The following CD226 variants were observed in gnomAD, a reference collection of about 807,000 sequenced individuals.
The protein encoded by CD226 is CD226 antigen.
In CD226, 24 loss-of-function variants were observed where a neutral mutation model predicts 34.9. That is an observed-to-expected ratio of 0.69 (90% CI 0.50 to 0.97). The LOEUF (loss-of-function observed/expected upper bound fraction) is 0.97. Among genes scored for constraint, CD226 ranks in the 50% least tolerant of loss-of-function variants. CD226 has a pLI of 0.00. For synonymous variants in CD226, 148 were observed against 147.4 expected (o/e 1.00, Z -0.03); for missense variants, 397 against 412.7 (o/e 0.96, Z 0.33).
intron 2 of CD226, among the ~76,000 whole-genome samples, chr18:69,910,458 G>A (rs140282664): frequency 6.6e-6 from 1 of 152,302 alleles, no homozygotes; most frequent in African/African-American, 2.4e-5. Flanking sequence ...CCCTAATTGG[G>A]AGATGCTCTG....
At chr18:69,923,735 C>G (rs549697408) in intron 2 of CD226, among the ~76,000 whole-genome samples, 18 of 152,184 alleles carry the variant, frequency 1.2e-4, no homozygotes, top group African/African-American at 4.3e-4. Context: ...GGGCGGATCA[C>G]GAGGTCAGGA....
chr18:69,889,561 T>C (rs938816505), intron 3 of CD226, among the ~76,000 whole-genome samples: 2 of 152,046 alleles, frequency 1.3e-5, no homozygotes, highest in Non-Finnish European at 2.9e-5. Context: ...AGCAAACTGG[T>C]TGGTTTTTGA....
intron 3 of CD226, among the ~76,000 whole-genome samples, chr18:69,880,588 A>T (rs968409813): frequency 6.6e-6 from 1 of 152,018 alleles, no homozygotes; most frequent in African/African-American, 2.4e-5. Context: ...GGAGGGAGAT[A>T]ATGGGAGTTG....
At chr18:69,926,889 C>T (rs1205317514) in intron 2 of CD226, among the ~76,000 whole-genome samples, 1 of 152,108 alleles carries the variant, frequency 6.6e-6, no homozygotes, top group Non-Finnish European at 1.5e-5. Flanking sequence ...TCAACAAATC[C>T]TTTTTTGTTT....
At chr18:69,923,396 C>T (rs573608821) in intron 2 of CD226, among the ~76,000 whole-genome samples, 1 of 152,160 alleles carries the variant, frequency 6.6e-6, no homozygotes, top group African/African-American at 2.4e-5. Flanking sequence ...AGAATCCTGC[C>T]CCCTCCTCAA....
At chr18:69,943,620 C>T (rs1334480684) in intron 2 of CD226, among the ~76,000 whole-genome samples, 3 of 152,314 alleles carry the variant, frequency 2.0e-5, no homozygotes, top group African/African-American at 2.4e-5. Flanking sequence ...AGGCCAAGGT[C>T]TCCTTCTTCA....
chr18:69,957,109 T>G (rs757347658), upstream of CD226: 1 of 152,220 alleles, frequency 6.6e-6, no homozygotes, highest in Non-Finnish European at 1.5e-5. Context: ...CAAACTCAGA[T>G]AAAGTTCTGT....
At chr18:69,877,069 A>C (rs980306456) in intron 3 of CD226, among the ~76,000 whole-genome samples, 1 of 151,844 alleles carries the variant, frequency 6.6e-6, no homozygotes, top group African/African-American at 2.4e-5. Context: ...TCACCATGTT[A>C]GTCAGGCTGG....
intron 3 of CD226, among the ~76,000 whole-genome samples, chr18:69,886,511 G>C (rs1413573244): frequency 6.6e-6 from 1 of 152,130 alleles, no homozygotes; most frequent in African/African-American, 2.4e-5. Context: ...TTCGAGACCA[G>C]CTTGACCAAT....
chr18:69,913,683 G>C (rs549607990), intron 2 of CD226, among the ~76,000 whole-genome samples: 2 of 152,196 alleles, frequency 1.3e-5, no homozygotes, highest in East Asian at 1.9e-4. Context: ...AGTTGGGAAG[G>C]AGGCAGGAGA....
In CD226 at chr18:69,853,916, T is replaced by C. The variant is rs1157788089; in HGVS notation, c.*10398A>G. On this transcript the variant is annotated 3_prime_UTR_variant, in exon 6 of 6. Transcript: ENST00000582621. Reference sequence around the variant, plus strand: ...TAAATATGTGCTTCATTTTGGATCATGATTTATAAAGATGAGCCAAAGAGC... The same window carrying C: ...TAAATATGTGCTTCATTTTGGATCACGATTTATAAAGATGAGCCAAAGAGC... The C allele has an allele frequency of 6.6e-6, 1 of 152,150 alleles. No homozygotes were observed. Among genetic ancestry groups the C allele is most frequent in the Non-Finnish European group, 1.5e-5 (1 of 68,030 alleles). The allele number at this position is 152,150 out of a possible 1,614,324, so 9.4% of individuals were successfully genotyped here. A position where few individuals can be genotyped will look rare whatever the true frequency, so the allele number is the denominator to read the frequency against.
chr18:69,868,954 G>A (rs1035696751), intron 4 of CD226, among the ~76,000 whole-genome samples: 2 of 152,176 alleles, frequency 1.3e-5, no homozygotes, highest in Non-Finnish European at 2.9e-5. Flanking sequence ...AGTTATTTAT[G>A]TCTTTAAAGT....
chr18:69,884,687 A>C (rs917963715), intron 3 of CD226, among the ~76,000 whole-genome samples: 3 of 152,198 alleles, frequency 2.0e-5, no homozygotes, highest in Non-Finnish European at 4.4e-5. Flanking sequence ...CCTGTCATAA[A>C]GATGTGAGAA....
At chr18:69,959,201 C>T (rs2055918274), upstream of CD226, among the ~76,000 whole-genome samples, 1 of 152,082 alleles carries the variant, frequency 6.6e-6, no homozygotes, top group Non-Finnish European at 1.5e-5. Flanking sequence ...TAACCTGAGA[C>T]AAATTAAATT....
At chr18:69,900,756 A>T (rs111346082) in intron 2 of CD226, among the ~76,000 whole-genome samples, 9,592 of 150,742 alleles carry the variant, frequency 0.064, 1,035 homozygotes, top group African/African-American at 0.22. Context: ...AAAAAAAAAA[A>T]TTTCTAATAA....
At chr18:69,887,906 C>T (rs1984655291) in intron 3 of CD226, among the ~76,000 whole-genome samples, 1 of 152,196 alleles carries the variant, frequency 6.6e-6, no homozygotes, top group Non-Finnish European at 1.5e-5. Context: ...ATCCCTGAAT[C>T]ATTTTAGTAT....
At chr18:69,899,218 C>T (rs1285000899) in intron 2 of CD226, among the ~76,000 whole-genome samples, 1 of 152,192 alleles carries the variant, frequency 6.6e-6, no homozygotes, top group East Asian at 1.9e-4. Context: ...TACATCTTCA[C>T]ATCATGCCAC....
upstream of CD226, among the ~76,000 whole-genome samples, chr18:69,958,823 AC>A: frequency 6.8e-6 from 1 of 146,568 alleles, no homozygotes; most frequent in South Asian, 2.2e-4. Context: ...ACACACACAC[AC>A]ACACATCCTT....
chr18:69,897,735 T>A (rs1483664648), intron 2 of CD226, among the ~76,000 whole-genome samples: 1 of 152,136 alleles, frequency 6.6e-6, no homozygotes, highest in African/African-American at 2.4e-5. Context: ...AAAAGAGATG[T>A]CACATTTCGA....
Sources: allele counts gnomAD v4.1 joint callset (sites outside exome capture counted in the v4.1 genomes callset), GRCh38; gene constraint gnomAD v4.1.1; transcripts MANE v1.5; gene names NCBI Gene and HGNC (gene_info 2026-07-23, HGNC 2026-07-21).